ABCB1: variants seen among roughly 807,000 people sequenced by gnomAD.
ABCB1 encodes the protein ATP-dependent translocase ABCB1.
In ABCB1, 69 loss-of-function variants were observed where a neutral mutation model predicts 142.0. That is an observed-to-expected ratio of 0.49 (90% CI 0.40 to 0.59). The LOEUF is 0.59. Ranked by LOEUF, ABCB1 falls within the 20% of genes least tolerant of loss-of-function variation. The probability of loss-of-function intolerance (pLI) is 0.00; values close to 1 mark genes in which losing one functional copy is unlikely to be tolerated. For synonymous variants in ABCB1, 532 were observed against 539.2 expected, an observed-to-expected ratio of 0.99 and a Z score of 0.18; for missense variants, 1,326 against 1,554.7, an observed-to-expected ratio of 0.85 and a Z score of 2.47.
At chr7:87,621,222 A>G (rs1820210701) in intron 1 of ABCB1, among the ~76,000 whole-genome samples, 1 of 152,128 alleles carries the variant, frequency 6.6e-6, no homozygotes, top group Admixed American at 6.5e-5. Flanking sequence ...GAAAGAGAAT[A>G]ATTAGGGAAC....
chr7:87,599,721 T>C (rs1015127989), intron 2 of ABCB1, among the ~76,000 whole-genome samples: 7 of 152,196 alleles, frequency 4.6e-5, no homozygotes, highest in African/African-American at 1.7e-4. Context: ...GTTAGCAATA[T>C]ATTGTATATT....
intron 25 of ABCB1, among the ~76,000 whole-genome samples, chr7:87,514,945 T>A (rs1815163341): frequency 6.6e-6 from 1 of 152,138 alleles, no homozygotes; most frequent in Non-Finnish European, 1.5e-5. Flanking sequence ...ACTTCCATTT[T>A]TGTTGGTTCT....
intron 21 of ABCB1, among the ~76,000 whole-genome samples, chr7:87,530,652 G>C (rs1342177451): frequency 6.6e-6 from 1 of 151,766 alleles, no homozygotes; most frequent in Non-Finnish European, 1.5e-5. Flanking sequence ...TAAAAAAAAA[G>C]AAAGAGTGGT....
chr7:87,681,215 C>T (rs1004561382), intron 1 of ABCB1, among the ~76,000 whole-genome samples: 3 of 150,548 alleles, frequency 2.0e-5, no homozygotes, highest in African/African-American at 7.4e-5. Context: ...AATGAAAACT[C>T]CAGGCCTAGA....
chr7:87,691,661 G>A (rs945038657), intron 1 of ABCB1, among the ~76,000 whole-genome samples: 2 of 152,076 alleles, frequency 1.3e-5, no homozygotes, highest in Admixed American at 1.3e-4. Context: ...TACTTCCTAA[G>A]GATTTACGTT....
intron 18 of ABCB1, among the ~76,000 whole-genome samples, chr7:87,540,902 T>G (rs1250001006): frequency 1.3e-5 from 2 of 152,252 alleles, no homozygotes. Context: ...TCTTTCTCCT[T>G]GAACAAAAGT....
chr7:87,600,328 C>T (rs1296607318), intron 1 of ABCB1, 138 bp from the exon 2 acceptor site: 5 of 732,686 alleles, frequency 6.8e-6, no homozygotes, highest in Non-Finnish European at 1.2e-5. Flanking sequence ...CTGCTCTGGC[C>T]GCGATGGGCA....
intron 2 of ABCB1, 22 bp downstream of exon 2, chr7:87,600,095 G>A: frequency 6.3e-7 from 1 of 1,599,340 alleles, no homozygotes; most frequent in African/African-American, 1.3e-5. Context: ...TGTAAACTAT[G>A]AAAATGAAAC....
At chr7:87,521,667 G>A (rs566691278) in intron 21 of ABCB1, 139 of 859,456 alleles carry the variant, frequency 1.6e-4, no homozygotes, top group East Asian at 5.1e-4. Flanking sequence ...TGGAGGAGGT[G>A]GATGCAGCCA....
At chr7:87,535,338 ATTT>A (rs143639915) in intron 20 of ABCB1, among the ~76,000 whole-genome samples, 1 of 144,276 alleles carries the variant, frequency 6.9e-6, no homozygotes. Flanking sequence ...TCTTCTTTGC[ATTT>A]TTTTTTTTTT....
chr7:87,641,504 C>G (rs907621524), intron 1 of ABCB1, among the ~76,000 whole-genome samples: 9 of 152,130 alleles, frequency 5.9e-5, no homozygotes, highest in African/African-American at 1.7e-4. Flanking sequence ...TATTTTCTAG[C>G]ACCCTTCCTC....
At chr7:87,531,129 C>T (rs560377116) in intron 21 of ABCB1, among the ~76,000 whole-genome samples, 165 bp downstream of exon 21, 16 of 152,244 alleles carry the variant, frequency 1.1e-4, no homozygotes, top group Admixed American at 1.0e-3. Flanking sequence ...GGCTTTGCTA[C>T]TTTCTGTAAG....
intron 25 of ABCB1, among the ~76,000 whole-genome samples, chr7:87,510,128 G>C (rs1814942166): frequency 6.6e-6 from 1 of 152,074 alleles, no homozygotes; most frequent in Admixed American, 6.5e-5. Flanking sequence ...GTTGTTTTAA[G>C]CCACTGAATT....
At chr7:87,607,612 C>T (rs1056961712) in intron 1 of ABCB1, among the ~76,000 whole-genome samples, 2 of 151,798 alleles carry the variant, frequency 1.3e-5, no homozygotes, top group East Asian at 1.9e-4. Context: ...AGCACAGTGG[C>T]GCAATCACAG....
rs1377795423 is a variant in ABCB1 at position 87,515,278 on chromosome 7, C to T, written c.3235G>A (p.Val1079Met). ...TAGAACCGCTCCAGGAGCTGGACCA[C>T]TGTGCTCTTCCCACAGCCACTGCTG... Reference protein sequence around the residue: ...VGSSGCGKSTVVQLLERFYDP... With the variant: ...VGSSGCGKSTMVQLLERFYDP... Residue 1079 changes from valine to methionine, a missense_variant, in exon 25 of 28, where the codon GTG becomes ATG. Physicochemically the swap from Val to Met is conservative, Grantham distance 21. Transcript: ENST00000622132. 1 of 1,614,054 alleles carries T rather than the reference C, an allele frequency of 6.2e-7. No homozygotes were observed. Among genetic ancestry groups the T allele is most frequent in the African/African-American group, 1.3e-5 (1 of 74,950 alleles).
chr7:87,532,870 A>G (rs953236722), intron 20 of ABCB1, among the ~76,000 whole-genome samples: 7 of 152,184 alleles, frequency 4.6e-5, no homozygotes, highest in African/African-American at 1.7e-4. Flanking sequence ...ACCCCTTTCT[A>G]GTAACAATAG....
upstream of ABCB1, among the ~76,000 whole-genome samples, chr7:87,601,346 C>CAGTTTCTG (rs1322488167): frequency 2.6e-5 from 4 of 152,120 alleles, no homozygotes; most frequent in Non-Finnish European, 4.4e-5. Context: ...GCATGCTTGA[C>CAGTTTCTG]AGTTTCTGAG....
chr7:87,550,345 G>T lies in ABCB1; in HGVS notation c.1225-49C>A, dbSNP rs1288208991. 1.9e-6 allele frequency: 3 copies of T among 1,613,306 alleles called. No homozygotes were observed. In the African/African-American group the frequency reaches 4.0e-5, roughly 22 times the overall value. ...ACTTCAAGGCAATTCACAGACACAG[G>T]ATATAGGAACTGACTGTTCACTAGG... On this transcript the variant is annotated intron_variant, in intron 11 of 27. Coordinates refer to ENST00000622132, the MANE Select transcript of ABCB1 (RefSeq NM_001348946.2).
chr7:87,602,292 CTTTTTTTTTTTTTT>C (rs59849542), upstream of ABCB1, among the ~76,000 whole-genome samples: 2 of 92,410 alleles, frequency 2.2e-5, no homozygotes, highest in East Asian at 3.3e-4. Context: ...AGCTCGGCCT[CTTTTTTTTTTTTTT>C]TTTTTTTTTT....
Sources: allele counts gnomAD v4.1 joint callset (sites outside exome capture counted in the v4.1 genomes callset), GRCh38; gene constraint gnomAD v4.1.1; transcripts MANE v1.5; gene names NCBI Gene and HGNC (gene_info 2026-07-23, HGNC 2026-07-21).